Variants in CDC42BPB observed in about 807,000 individuals in gnomAD.
The protein encoded by CDC42BPB is serine/threonine-protein kinase MRCK beta.
Under a neutral mutation model 214.9 loss-of-function variants are expected in CDC42BPB, and 37 were observed. That is an observed-to-expected ratio of 0.17 (90% confidence interval 0.13 to 0.23). The LOEUF is 0.23. CDC42BPB is among the 10% of genes least tolerant of loss of function. The pLI is 1.00. For synonymous variants in CDC42BPB, 931 were observed against 884.0 expected (o/e 1.05, Z -0.94); for missense variants, 1,694 against 2,227.0 (o/e 0.76, Z 4.82).
intron 3 of CDC42BPB, among the ~76,000 whole-genome samples, chr14:103,006,370 C>T (rs1349065804): frequency 1.3e-5 from 2 of 152,248 alleles, no homozygotes; most frequent in African/African-American, 4.8e-5. Context: ...GGAGACGCTC[C>T]CTGAAGCTCT....
At chr14:103,034,831 A>AG (rs1219595396) in intron 1 of CDC42BPB, among the ~76,000 whole-genome samples, 2 of 151,866 alleles carry the variant, frequency 1.3e-5, no homozygotes, top group African/African-American at 4.8e-5. Context: ...AAAAAAAAAA[A>AG]AAAGAAAAGA....
intron 1 of CDC42BPB, among the ~76,000 whole-genome samples, chr14:103,026,846 C>T (rs1394388181): frequency 5.4e-5 from 8 of 148,408 alleles, no homozygotes; most frequent in Non-Finnish European, 1.0e-4. Flanking sequence ...CCAGCCTGGG[C>T]GACAGAGTGA....
chr14:102,953,577 G>A (rs766607141), intron 23 of CDC42BPB, among the ~76,000 whole-genome samples: 3 of 152,234 alleles, frequency 2.0e-5, no homozygotes, highest in Non-Finnish European at 4.4e-5. Context: ...AGGCCACAGG[G>A]CTACGTACTC....
At chr14:103,026,754 G>C (rs936460038) in intron 1 of CDC42BPB, among the ~76,000 whole-genome samples, 3 of 151,906 alleles carry the variant, frequency 2.0e-5, no homozygotes, top group Non-Finnish European at 4.4e-5. Flanking sequence ...TGTAGTCCCA[G>C]CTACTCAGGA....
intron 30 of CDC42BPB, among the ~76,000 whole-genome samples, chr14:102,942,892 G>T (rs555019939): frequency 6.6e-6 from 1 of 151,972 alleles, no homozygotes; most frequent in South Asian, 2.1e-4. Flanking sequence ...TGTTTAAGAC[G>T]GAGTCTCGCT....
chr14:102,939,597 G>A lies in CDC42BPB; in HGVS notation c.4827+13C>T, dbSNP rs1566839029. ...GGGGTGCCCTGCCCGCCCTATCCCG[G>A]CCGTGCACGCACCAGAGGCAGGTCC... On this transcript the variant is annotated intron_variant, in intron 34 of 36. Coordinates refer to ENST00000361246, the MANE Select transcript of CDC42BPB (RefSeq NM_006035.4). 2.1e-5 allele frequency: 34 copies of A among 1,595,542 alleles called. No individual in the cohort carries two copies. The highest frequency in any genetic ancestry group is 2.8e-5 in the Non-Finnish European group (33 of 1,163,162).
Position 102,963,077 on chromosome 14 carries a change from T to G in CDC42BPB, c.2805A>C (p.Lys935Asn), listed in dbSNP as rs756091661. The change falls in exon 20 of 37, where the codon AAA (lysine) becomes AAC (asparagine). Residue 935 changes from lysine to asparagine, a missense_variant. Around this residue, in one of 7 missense-constraint regions of CDC42BPB, gnomAD observed 156 missense variants for 154.5 expected, o/e 1.01. Coordinates refer to ENST00000361246, the MANE Select transcript of CDC42BPB (RefSeq NM_006035.4). ...TTAATTTACCAGTATCTGCTCTGAA[T>G]TTTTCTTCCATCTTTTTCTTCAAAA... Reference protein sequence around the residue: ...MEILKKKMEEKFRADTGLKLP... With the variant: ...MEILKKKMEENFRADTGLKLP... 1.0e-5 allele frequency: 15 copies of G among 1,507,504 alleles called. No individual in the cohort carries two copies. The highest frequency in any genetic ancestry group is 2.3e-5 in the South Asian group (2 of 88,266). 93.4% of individuals were successfully genotyped at this position (1,507,504 alleles called of 1,614,324 possible). A position where few individuals can be genotyped will look rare whatever the true frequency, so the allele number is the denominator to read the frequency against.
At chr14:103,047,614 G>GCATTTT (rs1244414018) in intron 1 of CDC42BPB, among the ~76,000 whole-genome samples, 1 of 152,056 alleles carries the variant, frequency 6.6e-6, no homozygotes, top group Non-Finnish European at 1.5e-5. Context: ...GGAAGAAAGG[G>GCATTTT]CATTTTCAGC....
At chr14:102,954,891 C>T in intron 21 of CDC42BPB, 1 of 814,528 alleles carries the variant, frequency 1.2e-6, no homozygotes, top group Non-Finnish European at 1.5e-6. Flanking sequence ...CCTGAGGACC[C>T]CTGCACTTGG....
intron 5 of CDC42BPB, among the ~76,000 whole-genome samples, chr14:102,990,820 G>A (rs1442037841): frequency 6.6e-6 from 1 of 152,138 alleles, no homozygotes; most frequent in African/African-American, 2.4e-5. Context: ...TGCCAAATAT[G>A]GGCCAATTTC....
In CDC42BPB at chr14:102,935,976, G is replaced by A. The variant is rs537565765; in HGVS notation, c.5004+2128C>T. Among the ~76,000 whole-genome samples, 20 of 152,204 alleles carry A rather than the reference G, an allele frequency of 1.3e-4. 1 individual carries two copies. In the South Asian group the frequency reaches 3.3e-3, roughly 25 times the overall value. On this transcript the variant is annotated intron_variant, in intron 36 of 36. Coordinates refer to ENST00000361246, the MANE Select transcript of CDC42BPB (RefSeq NM_006035.4). ...GTAGACATTTCTCTAAAGAAGGTAC[G>A]GAAATGGCCAACAAGCATATGAAAA... is the stretch of plus-strand genomic sequence containing the variant.
rs557041796 is a variant in CDC42BPB, at chr14:102,955,731, G to C, written c.2902-1043C>G. 5.9e-5 allele frequency among the ~76,000 whole-genome samples: 9 copies of C among 152,336 alleles called. No homozygotes were observed. The East Asian group carries it at 1.7e-3, about 29-fold the overall frequency. ...CTGCTGTTTACAGACGCACATGTAG[G>C]TATGCTGAGTAGCAAGTGTTAGCAC... On this transcript the variant is annotated intron_variant, in intron 21 of 36. Coordinates refer to ENST00000361246, the MANE Select transcript of CDC42BPB (RefSeq NM_006035.4).
intron 1 of CDC42BPB, among the ~76,000 whole-genome samples, chr14:103,029,165 T>C (rs2139697743): frequency 1.3e-5 from 2 of 152,376 alleles, no homozygotes. Flanking sequence ...GACTCTGCAT[T>C]TCTGCATGAG....
intron 30 of CDC42BPB, among the ~76,000 whole-genome samples, chr14:102,941,971 C>T (rs1014094472): frequency 2.0e-4 from 30 of 152,330 alleles, no homozygotes; most frequent in African/African-American, 6.5e-4. Context: ...CCCACCAAGG[C>T]GGAGAACCGA....
intron 36 of CDC42BPB, 29 bp from the exon 37 acceptor site, chr14:102,933,872 A>T (rs534270033): frequency 6.7e-7 from 1 of 1,488,492 alleles, no homozygotes; most frequent in Non-Finnish European, 8.9e-7. Flanking sequence ...CAGGGTGAGC[A>T]CCCGCTGCCC....
chr14:102,990,519 G>A (rs1221531118), intron 5 of CDC42BPB, among the ~76,000 whole-genome samples: 1 of 152,192 alleles, frequency 6.6e-6, no homozygotes, highest in Admixed American at 6.5e-5. Flanking sequence ...AGGAAGTCAG[G>A]AAGTTAACTC....
intron 21 of CDC42BPB, among the ~76,000 whole-genome samples, chr14:102,955,570 ATGTTT>A (rs1321250973): frequency 2.6e-5 from 4 of 152,234 alleles, no homozygotes; most frequent in African/African-American, 4.8e-5. Context: ...CAGGGAAGCA[ATGTTT>A]TGTTTTAACA....
Position 102,968,608 on chromosome 14 carries a change from C to G in CDC42BPB, c.2104G>C (p.Val702Leu). 6.2e-7 allele frequency: 1 copy of G among 1,614,218 alleles called. No individual in the cohort carries two copies. The highest frequency in any genetic ancestry group is 8.5e-7 in the Non-Finnish European group (1 of 1,180,048). Residue 702 changes from valine to leucine, a missense_variant, in exon 15 of 37, where the codon GTC becomes CTC. Coordinates refer to ENST00000361246, the MANE Select transcript of CDC42BPB (RefSeq NM_006035.4). ...KKVLFYEEEL[V>L]RREASHVLEV... ...AGCACATGGGAGGCCTCACGTCTGA[C>G]CAATTCCTCTTCATAAAATAAGACT...
At chr14:102,938,283 CG>C (rs755194834) in intron 35 of CDC42BPB, 22 bp downstream of exon 35, 18 of 1,604,654 alleles carry the variant, frequency 1.1e-5, no homozygotes, top group Middle Eastern at 1.7e-4. Context: ...CCCAGGGCTG[CG>C]GGGGCCAGGC....
Sources: allele counts gnomAD v4.1 joint callset (sites outside exome capture counted in the v4.1 genomes callset), GRCh38; gene constraint gnomAD v4.1.1; regional missense constraint gnomAD v4.1.1; transcripts MANE v1.5; gene names NCBI Gene and HGNC (gene_info 2026-07-23, HGNC 2026-07-21).